The following ENTREP2 variants were observed in gnomAD, a reference collection of about 807,000 sequenced individuals.
The protein encoded by ENTREP2 is protein ENTREP2.
chr15:29,649,564 T>C, the ENTREP2 span, among the ~76,000 whole-genome samples: 1 of 151,062 alleles, frequency 6.6e-6, no homozygotes, highest in African/African-American at 2.4e-5. Context: ...CTACTAAAAA[T>C]ACAAAAACTA....
At chr15:29,654,905 A>G in the ENTREP2 span, among the ~76,000 whole-genome samples, 1 of 152,166 alleles carries the variant, frequency 6.6e-6, no homozygotes, top group Non-Finnish European at 1.5e-5. Flanking sequence ...CAAGTGGGAT[A>G]ATGCATACAG....
At chr15:29,511,390 G>A in the ENTREP2 span, among the ~76,000 whole-genome samples, 30 of 149,400 alleles carry the variant, frequency 2.0e-4, no homozygotes, top group South Asian at 2.3e-3. Flanking sequence ...GCCCAGTGGC[G>A]TGATCTTAGC....
the ENTREP2 span, among the ~76,000 whole-genome samples, chr15:29,627,809 T>C: frequency 4.7e-4 from 72 of 152,348 alleles, no homozygotes; most frequent in African/African-American, 1.7e-3. Context: ...TGGTAGCATA[T>C]GTCAAAATTT....
chr15:29,232,468 T>C, the ENTREP2 span, among the ~76,000 whole-genome samples: 5 of 143,440 alleles, frequency 3.5e-5, no homozygotes, highest in Admixed American at 6.9e-5. Context: ...ATCTGCCTTC[T>C]TTTTTTTTTT....
chr15:29,638,746 G>A, the ENTREP2 span, among the ~76,000 whole-genome samples: 1 of 152,164 alleles, frequency 6.6e-6, no homozygotes, highest in Non-Finnish European at 1.5e-5. Flanking sequence ...CGTGGCTGTT[G>A]CCTAGCAAGT....
At chr15:29,528,642 A>G in the ENTREP2 span, among the ~76,000 whole-genome samples, 1 of 151,922 alleles carries the variant, frequency 6.6e-6, no homozygotes, top group African/African-American at 2.4e-5. Flanking sequence ...ATCTTCTGAT[A>G]GCAAATCAAG....
chr15:29,319,420 T>G, the ENTREP2 span, among the ~76,000 whole-genome samples: 1 of 152,198 alleles, frequency 6.6e-6, no homozygotes, highest in Non-Finnish European at 1.5e-5. Flanking sequence ...TGCCATCTAA[T>G]TCCCTATTGA....
the ENTREP2 span, among the ~76,000 whole-genome samples, chr15:29,129,216 ACCGTGC>A: frequency 1.3e-5 from 2 of 151,730 alleles, no homozygotes; most frequent in Non-Finnish European, 2.9e-5. Context: ...GGTGTCCACC[ACCGTGC>A]CCAGCTAGTT....
the ENTREP2 span, among the ~76,000 whole-genome samples, chr15:29,250,200 G>A: frequency 2.0e-5 from 3 of 152,148 alleles, no homozygotes; most frequent in Non-Finnish European, 4.4e-5. Context: ...GGTGAAGCAT[G>A]GCTTTGATCC....
chr15:29,629,410 CTGAA>C, the ENTREP2 span, among the ~76,000 whole-genome samples: 1 of 152,074 alleles, frequency 6.6e-6, no homozygotes, highest in East Asian at 1.9e-4. Context: ...TGTGGATTAC[CTGAA>C]TGTTATTTAG....
At chr15:29,519,303 C>T in the ENTREP2 span, among the ~76,000 whole-genome samples, 1 of 151,888 alleles carries the variant, frequency 6.6e-6, no homozygotes, top group African/African-American at 2.4e-5. Flanking sequence ...GGCGAGTCCA[C>T]TTATATGTGG....
chr15:29,617,741 G>A, the ENTREP2 span, among the ~76,000 whole-genome samples: 12 of 152,180 alleles, frequency 7.9e-5, no homozygotes, highest in Middle Eastern at 3.2e-3. Flanking sequence ...GGCAGGAGGC[G>A]CTCTTATGTG....
chr15:29,654,922 T>C, the ENTREP2 span, among the ~76,000 whole-genome samples: 11,334 of 152,212 alleles, frequency 0.074, 1,328 homozygotes, highest in African/African-American at 0.25. Context: ...ACAGTTGAAA[T>C]CTAGTCTCAT....
At chr15:29,333,939 C>A in the ENTREP2 span, among the ~76,000 whole-genome samples, 3 of 151,692 alleles carry the variant, frequency 2.0e-5, no homozygotes, top group African/African-American at 7.3e-5. Flanking sequence ...CGGGGTGATG[C>A]ATCTACAAGC....
chr15:29,349,940 A>T, the ENTREP2 span, among the ~76,000 whole-genome samples: 2 of 152,192 alleles, frequency 1.3e-5, no homozygotes, highest in African/African-American at 4.8e-5. Context: ...TAATTGATTA[A>T]TTAATTAATT....
chr15:29,203,105 T>C, the ENTREP2 span, among the ~76,000 whole-genome samples: 1 of 152,136 alleles, frequency 6.6e-6, no homozygotes, highest in African/African-American at 2.4e-5. Context: ...CCCACAACAG[T>C]ATAAAACCGT....
chr15:29,555,932 G>A, the ENTREP2 span, among the ~76,000 whole-genome samples: 9 of 152,108 alleles, frequency 5.9e-5, no homozygotes, highest in South Asian at 2.1e-4. Flanking sequence ...TGAATCTCCC[G>A]CATGGGTAGG....
chr15:29,650,987 G>C, the ENTREP2 span, among the ~76,000 whole-genome samples: 1 of 152,222 alleles, frequency 6.6e-6, no homozygotes, highest in South Asian at 2.1e-4. Context: ...CTGCATGCCA[G>C]CCTGGGCAAC....
the ENTREP2 span, among the ~76,000 whole-genome samples, chr15:29,635,657 C>T: frequency 1.3e-5 from 2 of 152,132 alleles, no homozygotes; most frequent in African/African-American, 2.4e-5. Flanking sequence ...TAGGCCTCTC[C>T]CTGTGAGTTC....
Sources: allele counts gnomAD v4.1 joint callset (sites outside exome capture counted in the v4.1 genomes callset), GRCh38; gene constraint gnomAD v4.1.1; transcripts MANE v1.5; gene names NCBI Gene and HGNC (gene_info 2026-07-23, HGNC 2026-07-21).